Variants in COA6 observed in about 807,000 individuals in gnomAD.
COA6 encodes cytochrome c oxidase assembly factor 6.
A neutral mutation model predicts 17.1 loss-of-function variants in COA6; 12 were observed. The observed-to-expected ratio is 0.70, with a 90% CI of 0.45 to 1.14. COA6 has a LOEUF of 1.14. Among genes scored for constraint, COA6 ranks in the 50% most tolerant of loss-of-function variants. COA6 has a pLI of 0.00. For missense variants in COA6, 246 were observed against 196.5 expected (o/e 1.25, Z -1.51); for synonymous variants, 90 against 73.4 (o/e 1.23, Z -1.16).
chr1:234,373,787 C>A (rs2103014954), intron 1 of COA6, 109 bp downstream of exon 1: 1 of 1,613,766 alleles, frequency 6.2e-7, no homozygotes, highest in Non-Finnish European at 8.5e-7. Flanking sequence ...GGTGGCACTC[C>A]AATCGCCTGC....
In COA6 at chr1:234,384,245, C is replaced by T. The variant is rs143927449; in HGVS notation, c.*427C>T. 2.2e-3 allele frequency among the ~76,000 whole-genome samples: 338 copies of T among 151,958 alleles called. 1 individual carries two copies. The highest frequency in any genetic ancestry group is 7.9e-3 in the African/African-American group (328 of 41,480). On this transcript the variant is annotated 3_prime_UTR_variant, in exon 3 of 3. Coordinates refer to ENST00000366615, the MANE Select transcript of COA6 (RefSeq NM_001206641.3). ...GGAAGAAGGGTGAACTTAAAATATACAAGTAAAATAATAAAAGCCATCTAT... is the reference window on the plus strand; with the variant it reads ...GGAAGAAGGGTGAACTTAAAATATATAAGTAAAATAATAAAAGCCATCTAT...
intron 2 of COA6, among the ~76,000 whole-genome samples, chr1:234,378,268 A>G (rs1658867173): frequency 6.6e-6 from 1 of 152,198 alleles, no homozygotes; most frequent in Non-Finnish European, 1.5e-5. Flanking sequence ...TAGTCATTCC[A>G]CAAATATCTA....
rs1659077543 is a variant in COA6 at position 234,384,684 on chromosome 1, A to C, written c.*866A>C. Among the ~76,000 whole-genome samples, 1 of 152,228 alleles carries C rather than the reference A, an allele frequency of 6.6e-6. No individual in the cohort carries two copies. ...AAGCAGACTACATCAGATTAAATGGAGAGGTATACAGTTGGCCCTCTGTGG... is the reference window on the plus strand; with the variant it reads ...AAGCAGACTACATCAGATTAAATGGCGAGGTATACAGTTGGCCCTCTGTGG... On this transcript the variant is annotated 3_prime_UTR_variant, in exon 3 of 3. Coordinates refer to ENST00000366615, the MANE Select transcript of COA6 (RefSeq NM_001206641.3).
Position 234,383,048 on chromosome 1 carries a change from G to A in COA6, c.373-675G>A, listed in dbSNP as rs1362926229. ...GAGAGAGAGAAGGAAGGGAGGGAGG[G>A]AGGGAGGGAGGGAGGGAGGGAAGGG... On this transcript the variant is annotated intron_variant, in intron 2 of 2. Transcript: ENST00000366615. Among the ~76,000 whole-genome samples, 27 of 131,590 alleles carry A rather than the reference G, an allele frequency of 2.1e-4. 1 individual carries two copies. The highest frequency in any genetic ancestry group is 6.9e-4 in the East Asian group (3 of 4,358). 86.3% of individuals were successfully genotyped at this position (131,590 alleles called of 152,430 possible).
At chr1:234,374,706 G>A (rs1358098027) in intron 2 of COA6, among the ~76,000 whole-genome samples, 1 of 152,180 alleles carries the variant, frequency 6.6e-6, no homozygotes, top group Non-Finnish European at 1.5e-5. Context: ...TCTTGGGCAG[G>A]AGTTGGCAAA....
intron 2 of COA6, among the ~76,000 whole-genome samples, chr1:234,374,856 G>T (rs1658742160): frequency 6.6e-6 from 1 of 152,188 alleles, no homozygotes; most frequent in Non-Finnish European, 1.5e-5. Context: ...GGTGGATTCT[G>T]TCTCCCTGAC....
intron 2 of COA6, among the ~76,000 whole-genome samples, chr1:234,380,295 G>A (rs1013381354): frequency 6.6e-6 from 1 of 152,182 alleles, no homozygotes; most frequent in African/African-American, 2.4e-5. Context: ...GCAAGTAAAT[G>A]GAAATCTCTT....
chr1:234,377,641 C>T (rs1658847918), intron 2 of COA6, among the ~76,000 whole-genome samples: 1 of 152,212 alleles, frequency 6.6e-6, no homozygotes, highest in Admixed American at 6.5e-5. Flanking sequence ...AGCTGCTGTC[C>T]AGCTTCACTC....
chr1:234,378,510 AAGTT>A (rs1429325224), intron 2 of COA6, among the ~76,000 whole-genome samples: 3 of 152,242 alleles, frequency 2.0e-5, no homozygotes, highest in African/African-American at 7.2e-5. Context: ...GTTATGAAAA[AAGTT>A]AGGGAACAGA....
At position 234,383,737 on chromosome 1, in the gene COA6, TAAAAG is replaced by T. The variant is rs746981556; in HGVS notation, c.390_394del (p.Arg132LeufsTer9). 2.8e-6 allele frequency: 4 copies of T among 1,447,194 alleles called. No homozygotes were observed. The Admixed American group carries it at 5.5e-5, about 20-fold the overall frequency. 89.6% of individuals were successfully genotyped at this position (1,447,194 alleles called of 1,614,324 possible). A position where few individuals can be genotyped will look rare whatever the true frequency, so the allele number is the denominator to read the frequency against. On this transcript the variant is annotated frameshift_variant, in exon 3 of 3. Transcript: ENST00000366615. LOFTEE classifies it high-confidence loss of function. The stretch of plus-strand genomic sequence containing the variant: ...TTTTCCAACAGATAAAATATTTTGA[TAAAAG>T]AAGAGACTACTTAAAATTCAAAGAA...
intron 2 of COA6, among the ~76,000 whole-genome samples, chr1:234,375,133 C>CAAAAA (rs11341337): frequency 1.6e-5 from 2 of 128,440 alleles, no homozygotes; most frequent in African/African-American, 5.9e-5. Context: ...ACTAAAAATA[C>CAAAAA]AAAAAAAAAA....
In COA6 at chr1:234,383,810, A is replaced by G. The variant is rs756767392; in HGVS notation, c.460A>G (p.Lys154Glu). The change falls in exon 3 of 3, where the codon AAA becomes GAA. Residue 154 changes from lysine (K) to glutamate (E), a missense_variant. By Grantham distance (56) the Lys-to-Glu change is moderately conservative (BLOSUM62 1). Transcript: ENST00000366615. ...GQFEPSETTAKS is the reference protein window; with the variant it reads ...GQFEPSETTAES ...ATTTGAGCCTTCAGAAACAACTGCA[A>G]AATCCTAGGCTGTTCATAAAGATTG... The G allele has an allele frequency of 3.9e-6, 6 of 1,553,014 alleles. No individual in the cohort carries two copies. In the Admixed American group the frequency reaches 1.0e-4, roughly 26 times the overall value.
intron 2 of COA6, among the ~76,000 whole-genome samples, chr1:234,382,307 C>G (rs544433505): frequency 6.6e-6 from 1 of 152,156 alleles, no homozygotes; most frequent in Non-Finnish European, 1.5e-5. Context: ...GGTTGGAGAT[C>G]AAGGCTGCTT....
In COA6 at chr1:234,384,975, T is replaced by G. The variant is rs765120271; in HGVS notation, c.*1157T>G. ...GTACACATAGAAGTTATGTTTATAC[T>G]GTTGTCTAGTAAGTGTGCAATAGCA... On this transcript the variant is annotated 3_prime_UTR_variant, in exon 3 of 3. Coordinates refer to ENST00000366615, the MANE Select transcript of COA6 (RefSeq NM_001206641.3). Among the ~76,000 whole-genome samples the G allele has an allele frequency of 6.6e-6, 1 of 152,364 alleles. No individual in the cohort carries two copies. Among genetic ancestry groups the G allele is most frequent in the Non-Finnish European group, 1.5e-5 (1 of 68,030 alleles).
At chr1:234,380,533 T>TA (rs1252522330) in intron 2 of COA6, among the ~76,000 whole-genome samples, 2 of 152,174 alleles carry the variant, frequency 1.3e-5, no homozygotes, top group Non-Finnish European at 2.9e-5. Context: ...GAAATAAAGA[T>TA]AAAAAATAGC....
In COA6 at chr1:234,376,382, A is replaced by G. The variant is rs141340067; in HGVS notation, c.372+1993A>G. Among the ~76,000 whole-genome samples, 228 of 152,180 alleles carry G rather than the reference A, an allele frequency of 1.5e-3. 1 individual carries two copies. Among genetic ancestry groups the G allele is most frequent in the African/African-American group, 5.1e-3 (212 of 41,516 alleles). ...CTGGGTGCCATCCCCTGAGGCCCCA[A>G]CCTCTCTCCAGGTCACTGCGTCCTA... On this transcript the variant is annotated intron_variant, in intron 2 of 2. Coordinates refer to ENST00000366615, the MANE Select transcript of COA6 (RefSeq NM_001206641.3).
In COA6 at chr1:234,384,976, G is replaced by A. The variant is rs1041859086; in HGVS notation, c.*1158G>A. On this transcript the variant is annotated 3_prime_UTR_variant, in exon 3 of 3. Transcript: ENST00000366615. ...TACACATAGAAGTTATGTTTATACT[G>A]TTGTCTAGTAAGTGTGCAATAGCAT... Among the ~76,000 whole-genome samples, 3 of 152,166 alleles carry A rather than the reference G, an allele frequency of 2.0e-5. No individual in the cohort carries two copies. The highest frequency in any genetic ancestry group is 4.4e-5 in the Non-Finnish European group (3 of 68,022).
chr1:234,379,582 T>G (rs1658911459), intron 2 of COA6, among the ~76,000 whole-genome samples: 1 of 152,142 alleles, frequency 6.6e-6, no homozygotes, highest in Admixed American at 6.5e-5. Flanking sequence ...AATGATGGTG[T>G]ATTAGTCCGT....
At chr1:234,374,097 T>A (rs1178833283) in intron 1 of COA6, 133 bp from the exon 2 acceptor site, 3 of 1,051,956 alleles carry the variant, frequency 2.9e-6, no homozygotes, top group Non-Finnish European at 3.9e-6. Flanking sequence ...CTAAGCATGG[T>A]TTTGTTTTGT....
Sources: gnomAD v4.1 joint callset for allele counts (sites outside exome capture counted in the v4.1 genomes callset) on GRCh38, gnomAD v4.1.1 for gene constraint, MANE v1.5 for transcripts, NCBI Gene and HGNC (gene_info 2026-07-23, HGNC 2026-07-21) for gene names.